USP34: variants seen among roughly 807,000 people sequenced by gnomAD.
The protein encoded by USP34 is ubiquitin carboxyl-terminal hydrolase 34.
A neutral mutation model predicts 460.3 loss-of-function variants in USP34; 70 were observed. The ratio of observed to expected loss-of-function variants is 0.15; its 90% CI spans 0.13 to 0.19. The LOEUF (loss-of-function observed/expected upper bound fraction) is 0.19, where lower values mean the gene tolerates loss of function less well. Among genes scored for constraint, USP34 ranks in the 10% least tolerant of loss-of-function variants. The pLI is 1.00. For missense variants in USP34, 3,985 were observed against 4,236.2 expected, an observed-to-expected ratio of 0.94 and a Z score of 1.65; for synonymous variants, 1,647 against 1,405.3, an observed-to-expected ratio of 1.17 and a Z score of -3.85.
rs888697990 is a variant in USP34 at position 61,394,581 on chromosome 2, CA to C, written c.753+271del. On this transcript the variant is annotated intron_variant, in intron 5 of 79. Transcript: ENST00000398571. ...AAATAAGTTAAAAAATGAAAATTAG[CA>C]AAAGTTTTATGCAGTCACCTATCTT... is the stretch of plus-strand genomic sequence containing the variant. Among the ~76,000 whole-genome samples, 8 of 144,582 alleles carry C rather than the reference CA, an allele frequency of 5.5e-5. No homozygotes were observed. In the East Asian group the frequency reaches 1.4e-3, roughly 25 times the overall value. The allele number at this position is 144,582 out of a possible 152,430, so 94.9% of individuals were successfully genotyped here.
chr2:61,465,183 T>C (rs578142386), intron 1 of USP34, among the ~76,000 whole-genome samples: 1 of 152,156 alleles, frequency 6.6e-6, no homozygotes, highest in African/African-American at 2.4e-5. Flanking sequence ...GTCAAGATTA[T>C]ATTTAAAAAG....
intron 53 of USP34, among the ~76,000 whole-genome samples, chr2:61,237,378 C>A (rs953246396): frequency 1.3e-4 from 20 of 151,984 alleles, no homozygotes; most frequent in African/African-American, 4.6e-4. Flanking sequence ...TCCCTTCAAC[C>A]CCATAATGGC....
At chr2:61,412,721 T>C (rs1694075311) in intron 2 of USP34, among the ~76,000 whole-genome samples, 2 of 151,594 alleles carry the variant, frequency 1.3e-5, no homozygotes, top group Admixed American at 1.3e-4. Flanking sequence ...AGACCTCCTT[T>C]CTACAATAAA....
chr2:61,276,278 G>C (rs910085717), intron 41 of USP34, among the ~76,000 whole-genome samples: 3 of 152,116 alleles, frequency 2.0e-5, no homozygotes, highest in Non-Finnish European at 4.4e-5. Flanking sequence ...ACTTTTAAGA[G>C]TTCTTGAGTA....
chr2:61,405,884 A>T lies in USP34; in HGVS notation c.376T>A (p.Ser126Thr), dbSNP rs1693856271. ...TERQKSIEKK[S>T]NSTRICNLTE... ...AGATTACAAATTCTTGTAGAGTTTG[A>T]TTTTTTTTCTATTGATTTTTGTCTT... Residue 126 changes from serine to threonine, a missense_variant, in exon 3 of 80, where the codon TCA becomes ACA. Ser to Thr is a moderately conservative substitution (Grantham distance 58). This residue lies in a region of USP34 where 331 missense variants were observed against 293.7 expected (regional missense o/e 1.13). Coordinates refer to ENST00000398571, the MANE Select transcript of USP34 (RefSeq NM_014709.4). 1 of 1,613,264 alleles carries T rather than the reference A, an allele frequency of 6.2e-7. No individual in the cohort carries two copies. Among genetic ancestry groups the T allele is most frequent in the Admixed American group, 1.7e-5 (1 of 59,846 alleles).
intron 1 of USP34, among the ~76,000 whole-genome samples, chr2:61,459,393 T>C (rs1695533554): frequency 6.6e-6 from 1 of 152,154 alleles, no homozygotes; most frequent in Non-Finnish European, 1.5e-5. Flanking sequence ...CAGAAGTGTA[T>C]TATCATCACT....
intron 1 of USP34, among the ~76,000 whole-genome samples, chr2:61,437,121 G>C (rs1449336682): frequency 1.3e-5 from 2 of 152,078 alleles, no homozygotes; most frequent in African/African-American, 4.8e-5. Context: ...AACCAATGAT[G>C]CATCTCAAGG....
At position 61,417,442 on chromosome 2, in the gene USP34, T is replaced by C. The variant is rs981663016; in HGVS notation, c.131+3304A>G. The stretch of plus-strand genomic sequence containing the variant: ...ATGACTGTTAAACAGCACTTAAAAA[T>C]GATGACACAGATAATACTTGATCAC... On this transcript the variant is annotated intron_variant, in intron 2 of 79. Coordinates refer to ENST00000398571, the MANE Select transcript of USP34 (RefSeq NM_014709.4). The C allele has an allele frequency of 4.9e-5, 18 of 365,114 alleles. No individual in the cohort carries two copies. The Admixed American group carries it at 6.8e-4, about 14-fold the overall frequency. The allele number at this position is 365,114 out of a possible 1,614,324, so 22.6% of individuals were successfully genotyped here. A position where few individuals can be genotyped will look rare whatever the true frequency, so the allele number is the denominator to read the frequency against.
In USP34 at chr2:61,378,776, T is replaced by C. The variant is rs116444214; in HGVS notation, c.1015-352A>G. 6.4e-3 allele frequency among the ~76,000 whole-genome samples: 977 copies of C among 151,896 alleles called. 11 individuals are homozygous for C. The highest frequency in any genetic ancestry group is 0.022 in the African/African-American group (930 of 41,452). On this transcript the variant is annotated intron_variant, in intron 7 of 79. Transcript: ENST00000398571. ...ACAAAATTAGCTGGGTATGGTGGCA[T>C]GCGCCTAAAACGCGAGCTACTCAGA...
At chr2:61,269,874 G>A (rs1689161420) in intron 41 of USP34, among the ~76,000 whole-genome samples, 1 of 151,914 alleles carries the variant, frequency 6.6e-6, no homozygotes, top group Non-Finnish European at 1.5e-5. Context: ...AGGGTATTTG[G>A]AATACCTGTG....
chr2:61,300,749 T>C (rs893668556), intron 29 of USP34, among the ~76,000 whole-genome samples: 10 of 149,886 alleles, frequency 6.7e-5, no homozygotes, highest in Non-Finnish European at 1.2e-4. Flanking sequence ...TGAGATGAGA[T>C]TGCACCACTG....
At chr2:61,371,479 A>G (rs981697632) in intron 8 of USP34, among the ~76,000 whole-genome samples, 4 of 152,008 alleles carry the variant, frequency 2.6e-5, no homozygotes, top group Non-Finnish European at 2.9e-5. Flanking sequence ...AGCTCACAGA[A>G]TAAGAATATA....
chr2:61,236,114 AAGT>A, intron 55 of USP34, 41 bp from the exon 56 acceptor site: 2 of 1,596,004 alleles, frequency 1.3e-6, no homozygotes, highest in Non-Finnish European at 1.7e-6. Flanking sequence ...AATCATTTTA[AAGT>A]AGTAAATTTT....
intron 1 of USP34, among the ~76,000 whole-genome samples, chr2:61,427,496 CATCAGGGACCA>C (rs1047008499): frequency 6.6e-6 from 1 of 152,200 alleles, no homozygotes; most frequent in African/African-American, 2.4e-5. Context: ...CTAAATAAGG[CATCAGGGACCA>C]ATCCTGGAGA....
At chr2:61,327,336 G>A (rs897738993) in intron 20 of USP34, among the ~76,000 whole-genome samples, 8 of 152,128 alleles carry the variant, frequency 5.3e-5, no homozygotes, top group African/African-American at 1.2e-4. Flanking sequence ...TACATATGAC[G>A]AGATGTAGGG....
At chr2:61,452,830 A>C (rs529101865) in intron 1 of USP34, among the ~76,000 whole-genome samples, 1 of 150,806 alleles carries the variant, frequency 6.6e-6, no homozygotes, top group Non-Finnish European at 1.5e-5. Context: ...GGCTGCAGTC[A>C]GTCTTGATCA....
chr2:61,222,483 A>G, intron 65 of USP34, 136 bp downstream of exon 65: 1 of 644,542 alleles, frequency 1.6e-6, no homozygotes, highest in South Asian at 2.1e-5. Flanking sequence ...TATTCACATT[A>G]TACACTTAAA....
At chr2:61,269,540 CAAT>C (rs1689152046) in intron 41 of USP34, among the ~76,000 whole-genome samples, 1 of 151,948 alleles carries the variant, frequency 6.6e-6, no homozygotes, top group African/African-American at 2.4e-5. Flanking sequence ...TCTTTGAAAA[CAAT>C]AATTCAATAA....
At chr2:61,215,835 T>A (rs1206047960) in intron 67 of USP34, among the ~76,000 whole-genome samples, 1 of 152,078 alleles carries the variant, frequency 6.6e-6, no homozygotes, top group Non-Finnish European at 1.5e-5. Context: ...TTATCCCCAC[T>A]TTCACTCAGG....
Sources: allele counts gnomAD v4.1 joint callset (sites outside exome capture counted in the v4.1 genomes callset), GRCh38; gene constraint gnomAD v4.1.1; regional missense constraint gnomAD v4.1.1; transcripts MANE v1.5; gene names NCBI Gene and HGNC (gene_info 2026-07-23, HGNC 2026-07-21).